SERINC3: variants seen among roughly 807,000 people sequenced by gnomAD.
SERINC3 encodes the protein tumor differentially expressed protein 1.
SERINC3 carries 22 observed loss-of-function variants against 52.1 expected under a neutral mutation model. The ratio of observed to expected loss-of-function variants is 0.42; its 90% CI spans 0.30 to 0.60. The LOEUF is 0.60. SERINC3 is among the 20% of genes least tolerant of loss of function. The pLI is 0.16. For synonymous variants in SERINC3, 226 were observed against 212.7 expected (o/e 1.06, Z -0.54); for missense variants, 564 against 584.6 (o/e 0.96, Z 0.36).
Position 44,499,667 on chromosome 20 carries a change from C to T in SERINC3, c.*629G>A, listed in dbSNP as rs1315224305. ...GGAAATTAATACATCTGGCAAAGCA[C>T]CAGACTTGAATCAAGCAGTCTCAAT... On this transcript the variant is annotated 3_prime_UTR_variant, in exon 10 of 10. Transcript: ENST00000342374. 2 of 152,286 alleles carry T rather than the reference C, an allele frequency of 1.3e-5. No homozygotes were observed. Among genetic ancestry groups the T allele is most frequent in the African/African-American group, 2.4e-5 (1 of 41,428 alleles). 9.4% of individuals were successfully genotyped at this position (152,286 alleles called of 1,614,324 possible).
Position 44,512,861 on chromosome 20 carries a change from A to C in SERINC3, c.335T>G (p.Phe112Cys), listed in dbSNP as rs774896587. ...SFAMAIFFFV[F>C]SLLMFKVKTS... ...TTTTACTTTGAACATGAGCAGAGAA[A>C]AGACAAAGAAAAAGATGGCCATGGC... The change falls in exon 3 of 10, where the codon TTT becomes TGT. Residue 112 changes from phenylalanine to cysteine, a missense_variant. Transcript: ENST00000342374. 11 of 1,578,690 alleles carry C rather than the reference A, an allele frequency of 7.0e-6. No homozygotes were observed. The highest frequency in any genetic ancestry group is 7.7e-6 in the Non-Finnish European group (9 of 1,168,456).
At chr20:44,503,385 C>T (rs2064291525) in intron 8 of SERINC3, among the ~76,000 whole-genome samples, 1 of 152,202 alleles carries the variant, frequency 6.6e-6, no homozygotes, top group Admixed American at 6.5e-5. Flanking sequence ...TGGTGGCTCA[C>T]ACCTGTAATC....
chr20:44,506,004 A>C (rs73615467), intron 6 of SERINC3, among the ~76,000 whole-genome samples: 1,838 of 152,224 alleles, frequency 0.012, 16 homozygotes, highest in East Asian at 0.063. Context: ...CTAATGACTC[A>C]TAAGAATCAT....
Position 44,504,803 on chromosome 20 carries a change from G to T in SERINC3, c.872C>A (p.Pro291His). 1 of 1,604,034 alleles carries T rather than the reference G, an allele frequency of 6.2e-7. No individual in the cohort carries two copies. Among genetic ancestry groups the T allele is most frequent in the Non-Finnish European group, 8.5e-7 (1 of 1,172,068 alleles). Reference sequence around the variant, plus strand: ...ATGTGTTATTGACATTCCCTTACCAGGTTCATTGGACATGGCTGACCAGGT... The same window carrying T: ...ATGTGTTATTGACATTCCCTTACCATGTTCATTGGACATGGCTGACCAGGT... Reference protein sequence around the residue: ...YLTWSAMSNEPDRSCNPNLMS... With the variant: ...YLTWSAMSNEHDRSCNPNLMS... The change falls in exon 7 of 10, where the codon CCT becomes CAT. Residue 291 changes from proline to histidine, a missense_variant and splice_region_variant. By Grantham distance (77) the Pro-to-His change is moderately conservative. Transcript: ENST00000342374.
intron 3 of SERINC3, among the ~76,000 whole-genome samples, chr20:44,512,325 C>CAAA (rs920134707): frequency 1.2e-4 from 6 of 49,350 alleles, no homozygotes; most frequent in African/African-American, 4.7e-4. Context: ...AAAAACAAAA[C>CAAA]AAAAAAAAAA....
chr20:44,504,038 C>G, intron 7 of SERINC3, 43 bp from the exon 8 acceptor site: 5 of 1,517,090 alleles, frequency 3.3e-6, no homozygotes, highest in Non-Finnish European at 4.4e-6. Flanking sequence ...TACAGCTCAT[C>G]TTGTTCCAAG....
At chr20:44,515,522 G>T (rs1045618731) in intron 1 of SERINC3, among the ~76,000 whole-genome samples, 4 of 152,230 alleles carry the variant, frequency 2.6e-5, no homozygotes, top group Non-Finnish European at 4.4e-5. Flanking sequence ...AGAGACAGAA[G>T]ATTAGGGGTT....
At position 44,515,045 on chromosome 20, in the gene SERINC3, T is replaced by C. The variant is rs138718208; in HGVS notation, c.40-1005A>G. Among the ~76,000 whole-genome samples, 29 of 152,238 alleles carry C rather than the reference T, an allele frequency of 1.9e-4. No homozygotes were observed. In the East Asian group the frequency reaches 5.6e-3, roughly 30 times the overall value. ...CTGTCCATTAATTGATAAGTAAATA[T>C]GGCCTAAGTAAAAATATGGTATATC... On this transcript the variant is annotated intron_variant, in intron 1 of 9. Transcript: ENST00000342374.
intron 1 of SERINC3, 118 bp from the exon 2 acceptor site, chr20:44,514,158 A>G: frequency 9.0e-7 from 1 of 1,114,476 alleles, no homozygotes; most frequent in East Asian, 2.8e-5. Context: ...TCAGAGAATC[A>G]TGGCTGGGAG....
intron 1 of SERINC3, among the ~76,000 whole-genome samples, chr20:44,516,281 G>A (rs774434374): frequency 2.0e-5 from 3 of 152,124 alleles, no homozygotes; most frequent in South Asian, 2.1e-4. Flanking sequence ...CAGCCTGGGC[G>A]ACAGACTGAG....
At chr20:44,515,322 C>A (rs1384654970) in intron 1 of SERINC3, among the ~76,000 whole-genome samples, 3 of 152,176 alleles carry the variant, frequency 2.0e-5, no homozygotes, top group Non-Finnish European at 4.4e-5. Flanking sequence ...CCACTGCACT[C>A]CAGCCTGGGC....
rs1216029570 is a variant in SERINC3 at position 44,518,802 on chromosome 20, T to C, written c.39+3111A>G. Reference sequence around the variant, plus strand: ...CAACATGGAGAAACCCCATCTCTACTAAAAATACAAAATTAGCCAGGCGTG... The same window carrying C: ...CAACATGGAGAAACCCCATCTCTACCAAAAATACAAAATTAGCCAGGCGTG... On this transcript the variant is annotated intron_variant, in intron 1 of 9. Transcript: ENST00000342374. Among the ~76,000 whole-genome samples, 4 of 151,940 alleles carry C rather than the reference T, an allele frequency of 2.6e-5. No individual in the cohort carries two copies. In the East Asian group the frequency reaches 5.8e-4, roughly 22 times the overall value.
intron 1 of SERINC3, chr20:44,519,386 A>G (rs2064401724): frequency 2.0e-6 from 2 of 978,782 alleles, no homozygotes; most frequent in Non-Finnish European, 2.4e-6. Flanking sequence ...GTGAGCCACC[A>G]TGCCTGGCCT....
rs367857350 is a variant in SERINC3, at chr20:44,500,588, ATTT to A, written c.1284-157_1284-155del. On this transcript the variant is annotated intron_variant, in intron 9 of 9. Transcript: ENST00000342374. ...TTGAAGGGGACCAGAGGAAGCTGCT[ATTT>A]TTAGTTCTTATGACCAAGAACTAAA... Among the ~76,000 whole-genome samples the A allele has an allele frequency of 2.0e-3, 301 of 152,284 alleles. 1 individual carries two copies. The highest frequency in any genetic ancestry group is 7.0e-3 in the African/African-American group (290 of 41,556).
intron 9 of SERINC3, 119 bp downstream of exon 9, chr20:44,500,954 T>C (rs958113483): frequency 5.8e-6 from 4 of 693,882 alleles, no homozygotes; most frequent in African/African-American, 5.4e-5. Flanking sequence ...TCAAGAGTAT[T>C]TAACCCAACT....
chr20:44,516,573 G>A (rs1341619911), intron 1 of SERINC3, among the ~76,000 whole-genome samples: 2 of 151,778 alleles, frequency 1.3e-5, no homozygotes, highest in African/African-American at 4.8e-5. Context: ...TAATTTTTGT[G>A]TAAAGACAGG....
intron 5 of SERINC3, 45 bp downstream of exon 5, chr20:44,509,846 C>T: frequency 1.3e-6 from 2 of 1,598,510 alleles, no homozygotes; most frequent in Non-Finnish European, 1.7e-6. Flanking sequence ...GTACACCGTG[C>T]TTAATGTAGC....
At chr20:44,504,287 T>C (rs1454885994) in intron 7 of SERINC3, among the ~76,000 whole-genome samples, 1 of 152,240 alleles carries the variant, frequency 6.6e-6, no homozygotes, top group Non-Finnish European at 1.5e-5. Flanking sequence ...GTCAAGGTTT[T>C]AAGCACAGAA....
At chr20:44,507,324 G>A (rs549972474) in intron 5 of SERINC3, among the ~76,000 whole-genome samples, 1 of 152,198 alleles carries the variant, frequency 6.6e-6, no homozygotes, top group East Asian at 1.9e-4. Context: ...GCTTTTCTTA[G>A]GAACCTAAAT....
Sources: allele counts gnomAD v4.1 joint callset (sites outside exome capture counted in the v4.1 genomes callset), GRCh38; gene constraint gnomAD v4.1.1; transcripts MANE v1.5; gene names NCBI Gene and HGNC (gene_info 2026-07-23, HGNC 2026-07-21).